Variants in KCNT2 observed in about 807,000 individuals in gnomAD.
KCNT2 encodes the protein potassium sodium-activated channel subfamily T member 2.
In KCNT2, 67 loss-of-function variants were observed where a neutral mutation model predicts 153.8. The observed-to-expected ratio is 0.44, with a 90% CI of 0.36 to 0.53. KCNT2 has a LOEUF of 0.53. Ranked by LOEUF, KCNT2 falls within the 20% of genes least tolerant of loss-of-function variation. KCNT2 has a pLI of 0.00. For missense variants in KCNT2, 975 were observed against 1,354.8 expected, an observed-to-expected ratio of 0.72 and a Z score of 4.40; for synonymous variants, 500 against 458.8, an observed-to-expected ratio of 1.09 and a Z score of -1.15.
Position 196,370,633 on chromosome 1 carries a change from T to G in KCNT2, c.1403+2507A>C, listed in dbSNP as rs1183946195. ...ATTGATGATGATAATCAAAGTGCTA[T>G]TGGAAAAATATTCTGACAGTTCCTA... On this transcript the variant is annotated intron_variant, in intron 14 of 27. Transcript: ENST00000294725. 3.3e-5 allele frequency among the ~76,000 whole-genome samples: 5 copies of G among 152,156 alleles called. No individual in the cohort carries two copies. The East Asian group carries it at 9.7e-4, about 29-fold the overall frequency.
intron 1 of KCNT2, among the ~76,000 whole-genome samples, chr1:196,537,582 T>A (rs1399234041): frequency 6.6e-6 from 1 of 152,108 alleles, no homozygotes; most frequent in Admixed American, 6.5e-5. Context: ...CCTTGGCCAG[T>A]TCCTTCATCA....
intron 25 of KCNT2, among the ~76,000 whole-genome samples, chr1:196,260,546 A>G (rs1656917900): frequency 6.6e-6 from 1 of 151,782 alleles, no homozygotes; most frequent in South Asian, 2.1e-4. Flanking sequence ...CTTTTTTTTC[A>G]ATAATTCCAT....
intron 22 of KCNT2, among the ~76,000 whole-genome samples, chr1:196,302,841 G>A (rs1165674246): frequency 6.6e-6 from 1 of 151,170 alleles, no homozygotes; most frequent in South Asian, 2.1e-4. Flanking sequence ...AACATAATAT[G>A]GTAACAAGTG....
intron 1 of KCNT2, among the ~76,000 whole-genome samples, chr1:196,561,675 A>AAAAAAAAAAAAAAAAAAAAAAAAAG (rs1553254846): frequency 2.7e-5 from 1 of 36,470 alleles, no homozygotes; most frequent in African/African-American, 4.2e-5. Context: ...AAAAAAAAAA[A>AAAAAAAAAAAAAAAAAAAAAAAAAG]AAGAAGAAGA....
intron 20 of KCNT2, among the ~76,000 whole-genome samples, chr1:196,316,517 T>C (rs368990739): frequency 1.3e-5 from 2 of 151,736 alleles, no homozygotes; most frequent in African/African-American, 4.8e-5. Context: ...TAAATGTTTA[T>C]TATTCCTTTA....
At chr1:196,587,487 C>A (rs906728345) in intron 1 of KCNT2, among the ~76,000 whole-genome samples, 4 of 151,926 alleles carry the variant, frequency 2.6e-5, no homozygotes, top group Admixed American at 6.6e-5. Context: ...TTAATTGCTA[C>A]CATAATAATC....
intron 22 of KCNT2, among the ~76,000 whole-genome samples, chr1:196,301,109 G>A (rs868860399): frequency 1.3e-5 from 2 of 152,264 alleles, no homozygotes; most frequent in South Asian, 4.1e-4. Context: ...ACTGAAGTCT[G>A]TCAACACACC....
At chr1:196,347,907 T>A (rs578144347) in intron 14 of KCNT2, among the ~76,000 whole-genome samples, 63 of 152,290 alleles carry the variant, frequency 4.1e-4, no homozygotes, top group Admixed American at 2.6e-3. Flanking sequence ...TTCATAATAC[T>A]GTAACATTAA....
intron 8 of KCNT2, among the ~76,000 whole-genome samples, chr1:196,432,096 C>T (rs1236507943): frequency 2.6e-5 from 4 of 152,084 alleles, no homozygotes; most frequent in African/African-American, 4.8e-5. Context: ...TGCTCTTTGG[C>T]TACCCCAAGT....
intron 1 of KCNT2, among the ~76,000 whole-genome samples, chr1:196,585,160 T>C (rs1662519939): frequency 6.6e-6 from 1 of 152,068 alleles, no homozygotes; most frequent in Non-Finnish European, 1.5e-5. Context: ...GGAGTAGTTA[T>C]AAAAATGAAA....
intron 21 of KCNT2, among the ~76,000 whole-genome samples, chr1:196,315,525 T>C (rs765039518): frequency 4.6e-5 from 7 of 151,732 alleles, no homozygotes; most frequent in Non-Finnish European, 1.0e-4. Flanking sequence ...CAGTCCTAGC[T>C]ATTCAGTATG....
intron 26 of KCNT2, among the ~76,000 whole-genome samples, chr1:196,253,852 A>G (rs1656217766): frequency 1.3e-5 from 2 of 151,576 alleles, no homozygotes; most frequent in South Asian, 2.1e-4. Flanking sequence ...TATTTCAATA[A>G]CAAAAAAATT....
In KCNT2 at chr1:196,492,242, GAATGA is replaced by G; in HGVS notation, c.175+15_175+19del. ...AGTAAATATATGTACGAACAGAGGG[GAATGA>G]AATGAATAACTTACTTGATCTCTGG... On this transcript the variant is annotated intron_variant, in intron 2 of 27. Transcript: ENST00000294725. 6 of 1,404,568 alleles carry G rather than the reference GAATGA, an allele frequency of 4.3e-6. No homozygotes were observed. Among genetic ancestry groups the G allele is most frequent in the Non-Finnish European group, 4.7e-6 (5 of 1,062,690 alleles). The allele number at this position is 1,404,568 out of a possible 1,614,324, so 87.0% of individuals were successfully genotyped here.
At chr1:196,429,813 T>G in intron 8 of KCNT2, 56 bp from the exon 9 acceptor site, 1 of 1,229,964 alleles carries the variant, frequency 8.1e-7, no homozygotes. Flanking sequence ...ACATAATTTC[T>G]CATCATTATT....
At chr1:196,393,518 T>C (rs1443511732) in intron 13 of KCNT2, among the ~76,000 whole-genome samples, 1 of 151,580 alleles carries the variant, frequency 6.6e-6, no homozygotes, top group East Asian at 1.9e-4. Context: ...ATTTTCAAAG[T>C]TCATTCAAGG....
At chr1:196,523,124 C>T (rs189128903) in intron 1 of KCNT2, among the ~76,000 whole-genome samples, 21 of 152,214 alleles carry the variant, frequency 1.4e-4, no homozygotes, top group Admixed American at 9.8e-4. Flanking sequence ...AGCAAGACCA[C>T]GAAACCACCA....
chr1:196,454,226 A>G (rs1245421413), intron 8 of KCNT2, among the ~76,000 whole-genome samples: 1 of 151,926 alleles, frequency 6.6e-6, no homozygotes, highest in Non-Finnish European at 1.5e-5. Flanking sequence ...TATATAATTT[A>G]AACTATTATT....
Position 196,444,384 on chromosome 1 carries a change from T to A in KCNT2, c.639-14627A>T, listed in dbSNP as rs377529689. Among the ~76,000 whole-genome samples the A allele has an allele frequency of 9.9e-5, 15 of 151,516 alleles. No individual in the cohort carries two copies. The East Asian group carries it at 2.7e-3, about 28-fold the overall frequency. On this transcript the variant is annotated intron_variant, in intron 8 of 27. Coordinates refer to ENST00000294725, the MANE Select transcript of KCNT2 (RefSeq NM_198503.5). ...GAATTATGTTTCCCTTTTTCCTTTT[T>A]TTAAGGCTTAACTTTCAAAAACAAG... is the stretch of plus-strand genomic sequence containing the variant.
At chr1:196,561,771 G>A (rs1659449030) in intron 1 of KCNT2, among the ~76,000 whole-genome samples, 1 of 151,472 alleles carries the variant, frequency 6.6e-6, no homozygotes, top group Admixed American at 6.6e-5. Flanking sequence ...GATACAGCTT[G>A]GTTTTATACA....
Sources: gnomAD v4.1 joint callset for allele counts (sites outside exome capture counted in the v4.1 genomes callset) on GRCh38, gnomAD v4.1.1 for gene constraint, MANE v1.5 for transcripts, NCBI Gene and HGNC (gene_info 2026-07-23, HGNC 2026-07-21) for gene names.